TENM2: variants seen among roughly 807,000 people sequenced by gnomAD.
The protein encoded by TENM2 is teneurin transmembrane protein 2.
TENM2 carries 52 observed loss-of-function variants against 245.2 expected under a neutral mutation model. The ratio of observed to expected loss-of-function variants is 0.21; its 90% confidence interval spans 0.17 to 0.27. The LOEUF is 0.27. Among genes scored for constraint, TENM2 ranks in the 10% least tolerant of loss-of-function variants. The probability of loss-of-function intolerance (pLI) is 1.00; values close to 1 mark genes in which losing one functional copy is unlikely to be tolerated. For missense variants in TENM2, 3,046 were observed against 3,666.8 expected (o/e 0.83, Z 4.37); for synonymous variants, 1,363 against 1,438.9 (o/e 0.95, Z 1.19).
At position 168,244,397 on chromosome 5, in the gene TENM2, C is replaced by G. The variant is rs753329917; in HGVS notation, c.5521-23C>G. 1.3e-6 allele frequency: 2 copies of G among 1,490,292 alleles called. No individual in the cohort carries two copies. Among genetic ancestry groups the G allele is most frequent in the Non-Finnish European group, 1.8e-6 (2 of 1,109,482 alleles). The allele number at this position is 1,490,292 out of a possible 1,614,324, so 92.3% of individuals were successfully genotyped here. A position where few individuals can be genotyped will look rare whatever the true frequency, so the allele number is the denominator to read the frequency against. Reference sequence around the variant, plus strand: ...GCATGCCTGGGTGATGTCTTTCAAACAAGGCCTGTTGTGTTTTCCTAGGTC... The same window carrying G: ...GCATGCCTGGGTGATGTCTTTCAAAGAAGGCCTGTTGTGTTTTCCTAGGTC... On this transcript the variant is annotated intron_variant, in intron 25 of 28. Coordinates refer to ENST00000518659, the Ensembl canonical transcript of TENM2. The surrounding 1 kb of genome is among the most constrained non-coding windows in gnomAD (Gnocchi z 4.9).
intron 3 of TENM2, among the ~76,000 whole-genome samples, chr5:167,907,508 T>A (rs1776182397): frequency 7.2e-6 from 1 of 138,378 alleles, no homozygotes; most frequent in Non-Finnish European, 1.5e-5. Flanking sequence ...TTAGTAATTT[T>A]GTTTAGATCA....
intron 2 of TENM2, among the ~76,000 whole-genome samples, chr5:167,617,049 C>T (rs1040811968): frequency 6.6e-6 from 1 of 152,164 alleles, no homozygotes; most frequent in African/African-American, 2.4e-5. Context: ...ACAAGTATTG[C>T]TCAGAACTCC....
intron 2 of TENM2, among the ~76,000 whole-genome samples, chr5:167,663,167 AG>A (rs1473764049): frequency 6.6e-6 from 1 of 150,986 alleles, no homozygotes; most frequent in African/African-American, 2.4e-5. Context: ...AGAGAGAGAG[AG>A]AGAGAGAGAG....
At chr5:168,258,314 A>G (rs1035320299) in intron 27 of TENM2, among the ~76,000 whole-genome samples, 2 of 152,108 alleles carry the variant, frequency 1.3e-5, no homozygotes, top group African/African-American at 2.4e-5. Context: ...ATCCTGGCTA[A>G]CATGGTGAAA....
At chr5:167,917,537 G>C (rs1777044486) in intron 3 of TENM2, among the ~76,000 whole-genome samples, 1 of 152,150 alleles carries the variant, frequency 6.6e-6, no homozygotes, top group Non-Finnish European at 1.5e-5. Flanking sequence ...ACAGCCTGGA[G>C]GAGGAGCAAA....
intron 7 of TENM2, among the ~76,000 whole-genome samples, chr5:168,087,744 T>C (rs925023807): frequency 2.0e-5 from 3 of 152,002 alleles, no homozygotes; most frequent in Non-Finnish European, 4.4e-5. Flanking sequence ...CTTCCTGGAG[T>C]TTATGTTCTT....
At chr5:167,642,198 C>A (rs1779660164) in intron 2 of TENM2, among the ~76,000 whole-genome samples, 1 of 151,562 alleles carries the variant, frequency 6.6e-6, no homozygotes, top group African/African-American at 2.4e-5. Flanking sequence ...TGGTGGCTTC[C>A]CATTTTCATC....
intron 2 of TENM2, among the ~76,000 whole-genome samples, chr5:167,612,657 GA>G (rs1435262584): frequency 6.6e-6 from 1 of 152,126 alleles, no homozygotes. Context: ...TGGACTCAGT[GA>G]ATTGGATTTG....
intron 1 of TENM2, among the ~76,000 whole-genome samples, chr5:167,312,388 G>GC (rs1756088223): frequency 6.6e-6 from 1 of 152,112 alleles, no homozygotes; most frequent in South Asian, 2.1e-4. Context: ...GTCTCCACTT[G>GC]CCCCGGCTGT....
intron 2 of TENM2, among the ~76,000 whole-genome samples, chr5:167,411,619 A>T (rs1383243259): frequency 4.4e-5 from 6 of 137,258 alleles, no homozygotes; most frequent in African/African-American, 1.1e-4. Context: ...TATGTATGTG[A>T]GAGAGAGAGA....
chr5:168,139,200 C>G (rs1029761645), intron 12 of TENM2, among the ~76,000 whole-genome samples: 9 of 152,140 alleles, frequency 5.9e-5, no homozygotes, highest in Admixed American at 1.3e-4. Flanking sequence ...ACAAATGACT[C>G]CCTCATAAGT....
intron 5 of TENM2, among the ~76,000 whole-genome samples, chr5:168,034,149 G>A (rs1301907903): frequency 9.9e-6 from 1 of 100,620 alleles, no homozygotes; most frequent in African/African-American, 3.6e-5. Flanking sequence ...ACATATATAT[G>A]TGTATATATA....
At chr5:167,013,147 T>G in the TENM2 span, among the ~76,000 whole-genome samples, 1 of 152,152 alleles carries the variant, frequency 6.6e-6, no homozygotes, top group African/African-American at 2.4e-5. Flanking sequence ...CTTTAAAATA[T>G]TACCCGGACA....
At chr5:167,746,230 C>T (rs1416158090) in intron 2 of TENM2, among the ~76,000 whole-genome samples, 2 of 152,134 alleles carry the variant, frequency 1.3e-5, no homozygotes, top group African/African-American at 4.8e-5. Context: ...AGCTTGCACA[C>T]GAAACCCAAT....
chr5:167,867,830 G>A (rs1019836791), intron 2 of TENM2, among the ~76,000 whole-genome samples: 15 of 152,086 alleles, frequency 9.9e-5, no homozygotes, highest in South Asian at 4.1e-4. Flanking sequence ...GATCTCTCTC[G>A]CCTCTGGGGA....
the TENM2 span, among the ~76,000 whole-genome samples, chr5:167,257,108 A>G: frequency 2.0e-5 from 3 of 152,108 alleles, no homozygotes; most frequent in Non-Finnish European, 4.4e-5. Context: ...CTATCTGACA[A>G]GCTTATAGAT....
At chr5:167,257,506 A>G in the TENM2 span, among the ~76,000 whole-genome samples, 1 of 152,140 alleles carries the variant, frequency 6.6e-6, no homozygotes, top group African/African-American at 2.4e-5. Context: ...TAAATCATTT[A>G]GAAAGAAAAG....
intron 1 of TENM2, chr5:167,310,019 A>T (rs1339384119): frequency 1.3e-5 from 2 of 152,172 alleles, no homozygotes; most frequent in Non-Finnish European, 2.9e-5. Flanking sequence ...CCCTTTCTTT[A>T]TAAGTACTTA....
intron 3 of TENM2, among the ~76,000 whole-genome samples, chr5:167,884,391 C>T (rs1183367730): frequency 2.6e-5 from 4 of 152,186 alleles, no homozygotes; most frequent in Admixed American, 6.5e-5. Context: ...AAACTCTATA[C>T]CCATTAAACA....
Sources: allele counts gnomAD v4.1 joint callset (sites outside exome capture counted in the v4.1 genomes callset), GRCh38; gene constraint gnomAD v4.1.1; non-coding constraint Gnocchi (gnomAD v3.1); transcripts MANE v1.5; gene names NCBI Gene and HGNC (gene_info 2026-07-23, HGNC 2026-07-21).